Variants in RNF180 observed in about 807,000 individuals in gnomAD.
The protein encoded by RNF180 is E3 ubiquitin-protein ligase RNF180.
In RNF180, 38 loss-of-function variants were observed where a neutral mutation model predicts 59.2. The observed-to-expected ratio is 0.64, with a 90% CI of 0.50 to 0.84. RNF180 has a LOEUF of 0.84. Ranked by LOEUF, RNF180 falls within the 40% of genes least tolerant of loss-of-function variation. The probability of loss-of-function intolerance (pLI) is 0.00; values close to 1 mark genes in which losing one functional copy is unlikely to be tolerated. For synonymous variants in RNF180, 262 were observed against 240.3 expected, an observed-to-expected ratio of 1.09 and a Z score of -0.84; for missense variants, 705 against 700.9, an observed-to-expected ratio of 1.01 and a Z score of -0.07.
In RNF180 at chr5:64,213,721, G is replaced by C. The variant is rs1752441135; in HGVS notation, c.395G>C (p.Arg132Thr). ...CCAACACAGGCAGGCAGACTAATGA[G>C]ACCATCAGTGAAATACTTGTCACAT... ...YQPTQAGRLMRPSVKYLSHPR... is the reference protein window; with the variant it reads ...YQPTQAGRLMTPSVKYLSHPR... Residue 132 changes from arginine to threonine, a missense_variant, in exon 4 of 8, where the codon AGA becomes ACA. Transcript: ENST00000389100. The C allele has an allele frequency of 6.2e-7, 1 of 1,613,906 alleles. No homozygotes were observed. Among genetic ancestry groups the C allele is most frequent in the Non-Finnish European group, 8.5e-7 (1 of 1,179,892 alleles).
At chr5:64,356,409 A>G (rs1379726336) in intron 7 of RNF180, among the ~76,000 whole-genome samples, 1 of 151,968 alleles carries the variant, frequency 6.6e-6, no homozygotes, top group Non-Finnish European at 1.5e-5. Flanking sequence ...AATGTTAATA[A>G]GGAGAAATTG....
chr5:64,298,829 T>C (rs1196101718), intron 5 of RNF180, among the ~76,000 whole-genome samples: 1 of 151,964 alleles, frequency 6.6e-6, no homozygotes, highest in Non-Finnish European at 1.5e-5. Context: ...ACAACTTTAT[T>C]GGTTACTGTT....
intron 2 of RNF180, among the ~76,000 whole-genome samples, chr5:64,207,688 C>G (rs962123024): frequency 5.3e-5 from 8 of 151,964 alleles, no homozygotes; most frequent in Admixed American, 5.3e-4. Flanking sequence ...TTAAGTGAGG[C>G]TTTCATTTTT....
chr5:64,289,947 G>T (rs2112420025), intron 5 of RNF180, among the ~76,000 whole-genome samples: 1 of 152,012 alleles, frequency 6.6e-6, no homozygotes, highest in Non-Finnish European at 1.5e-5. Flanking sequence ...GTTTGCTCTT[G>T]GTTCTCTAGT....
At chr5:64,332,391 C>T (rs1475779909) in intron 7 of RNF180, among the ~76,000 whole-genome samples, 1 of 152,074 alleles carries the variant, frequency 6.6e-6, no homozygotes, top group Admixed American at 6.5e-5. Flanking sequence ...AGTAACAGAG[C>T]CTTGGTGTCA....
At chr5:64,215,680 C>A (rs1350969565) in intron 4 of RNF180, among the ~76,000 whole-genome samples, 2 of 151,996 alleles carry the variant, frequency 1.3e-5, no homozygotes, top group African/African-American at 2.4e-5. Context: ...TCAAAATTTT[C>A]ATTGAGACTC....
chr5:64,369,592 T>C, intron 7 of RNF180, 23 bp from the exon 8 acceptor site: 1 of 1,431,470 alleles, frequency 7.0e-7, no homozygotes, highest in South Asian at 1.6e-5. Context: ...TAATGGGCTT[T>C]AATATGTTCA....
chr5:64,363,233 A>G (rs931108334), intron 7 of RNF180, among the ~76,000 whole-genome samples: 1 of 151,792 alleles, frequency 6.6e-6, no homozygotes, highest in South Asian at 2.1e-4. Flanking sequence ...TTTGGGTTTT[A>G]CATTTAAGTC....
chr5:64,307,165 G>A (rs577894987), intron 5 of RNF180, among the ~76,000 whole-genome samples: 1 of 148,860 alleles, frequency 6.7e-6, no homozygotes, highest in Non-Finnish European at 1.5e-5. Flanking sequence ...ACCAATTATG[G>A]CTCTTTCCCA....
chr5:64,233,615 A>G (rs74746909), intron 5 of RNF180, among the ~76,000 whole-genome samples: 2,915 of 152,274 alleles, frequency 0.019, 49 homozygotes, highest in Middle Eastern at 0.037. Flanking sequence ...GCCAAAATCT[A>G]TGAAGGAAAC....
chr5:64,319,511 T>TA (rs1744237153), intron 5 of RNF180, among the ~76,000 whole-genome samples: 2 of 152,332 alleles, frequency 1.3e-5, no homozygotes, highest in South Asian at 4.1e-4. Context: ...AAGTCTAAGG[T>TA]AGAGTTATTT....
intron 5 of RNF180, among the ~76,000 whole-genome samples, chr5:64,268,831 A>C (rs2112344560): frequency 6.6e-6 from 1 of 152,286 alleles, no homozygotes; most frequent in African/African-American, 2.4e-5. Context: ...AACTTCTGTT[A>C]GTTTTATGCA....
At chr5:64,353,659 A>G (rs1745904249) in intron 7 of RNF180, among the ~76,000 whole-genome samples, 1 of 151,824 alleles carries the variant, frequency 6.6e-6, no homozygotes, top group African/African-American at 2.4e-5. Context: ...AAAAATTGAA[A>G]TATGTAAATC....
At chr5:64,233,345 A>T (rs1742209657) in intron 5 of RNF180, among the ~76,000 whole-genome samples, 1 of 152,232 alleles carries the variant, frequency 6.6e-6, no homozygotes, top group South Asian at 2.1e-4. Context: ...TCTAGAATGC[A>T]TTGGCAGGTT....
At chr5:64,307,053 C>T (rs1743507808) in intron 5 of RNF180, among the ~76,000 whole-genome samples, 1 of 151,010 alleles carries the variant, frequency 6.6e-6, no homozygotes, top group African/African-American at 2.4e-5. Flanking sequence ...TCCAAAATAT[C>T]CCCCCAAATT....
chr5:64,250,597 A>T (rs1743505665), intron 5 of RNF180, among the ~76,000 whole-genome samples: 1 of 152,192 alleles, frequency 6.6e-6, no homozygotes, highest in African/African-American at 2.4e-5. Context: ...CTGATAAAAC[A>T]TACAGAGGAT....
At chr5:64,234,605 TTTTTTTTTTTTTG>T in intron 5 of RNF180, among the ~76,000 whole-genome samples, 1 of 62,416 alleles carries the variant, frequency 1.6e-5, no homozygotes, top group African/African-American at 7.3e-5. Flanking sequence ...TTTTTTTTTT[TTTTTTTTTTTTTG>T]AGAAGGAGTC....
In RNF180 at chr5:64,317,448, G is replaced by A. The variant is rs560310905; in HGVS notation, c.1228-7738G>A. Among the ~76,000 whole-genome samples, 22 of 151,766 alleles carry A rather than the reference G, an allele frequency of 1.4e-4. No homozygotes were observed. The South Asian group carries it at 4.6e-3, about 32-fold the overall frequency. On this transcript the variant is annotated intron_variant, in intron 5 of 7. Coordinates refer to ENST00000389100, the MANE Select transcript of RNF180 (RefSeq NM_001113561.2). The stretch of plus-strand genomic sequence containing the variant: ...ATGCCAACAGACTTGTTTGTCACAG[G>A]GTTGCTACAAACCTATAATTTGTTA...
chr5:64,267,299 A>T (rs1391718474), intron 5 of RNF180, among the ~76,000 whole-genome samples: 2 of 152,144 alleles, frequency 1.3e-5, no homozygotes, highest in Non-Finnish European at 2.9e-5. Context: ...GGCTTAAGAA[A>T]GTAATTACAC....
Sources: gnomAD v4.1 joint callset for allele counts (sites outside exome capture counted in the v4.1 genomes callset) on GRCh38, gnomAD v4.1.1 for gene constraint, MANE v1.5 for transcripts, NCBI Gene and HGNC (gene_info 2026-07-23, HGNC 2026-07-21) for gene names.